The following ARID3B variants were observed in gnomAD, a reference collection of about 807,000 sequenced individuals.
The protein encoded by ARID3B is AT-rich interaction domain 3B, also known as AT-rich interactive domain-containing protein 3B.
A neutral mutation model predicts 51.9 loss-of-function variants in ARID3B; 10 were observed. The ratio of observed to expected loss-of-function variants is 0.19; its 90% CI spans 0.12 to 0.33. The LOEUF (loss-of-function observed/expected upper bound fraction) is 0.33, where lower values mean the gene tolerates loss of function less well. Among genes scored for constraint, ARID3B ranks in the 10% least tolerant of loss-of-function variants. ARID3B has a pLI of 1.00. For missense variants in ARID3B, 483 were observed against 716.3 expected (o/e 0.67, Z 3.72); for synonymous variants, 205 against 279.5 (o/e 0.73, Z 2.66).
At chr15:74,595,382 C>A (rs1362104186) in intron 8 of ARID3B, among the ~76,000 whole-genome samples, 2 of 152,118 alleles carry the variant, frequency 1.3e-5, no homozygotes, top group Non-Finnish European at 2.9e-5. Context: ...TGTCTCAGAG[C>A]ATTTATGACA....
In ARID3B at chr15:74,591,691, C is replaced by G; in HGVS notation, c.1297C>G (p.Pro433Ala). The G allele has an allele frequency of 1.2e-6, 2 of 1,612,670 alleles. No homozygotes were observed. Among genetic ancestry groups the G allele is most frequent in the South Asian group, 1.1e-5 (1 of 90,918 alleles). ...GCGGGAGCGGCTGGAGTCAGGGGAG[C>G]CTGCTGAGAAGAAGGCATCGAGGCT... is the stretch of plus-strand genomic sequence containing the variant. Reference protein sequence around the residue: ...QLRERLESGEPAEKKASRLSE... With the variant: ...QLRERLESGEAAEKKASRLSE... Residue 433 changes from proline (P) to alanine (A), a missense_variant, in exon 7 of 9, where the codon CCT becomes GCT. By Grantham distance (27) the Pro-to-Ala change is conservative (BLOSUM62 -1). Around this residue, in one of 3 missense-constraint regions of ARID3B, gnomAD observed 265 missense variants for 354.4 expected, o/e 0.75. Coordinates refer to ENST00000346246, the MANE Select transcript of ARID3B (RefSeq NM_006465.4). The surrounding 1 kb of genome is among the most constrained non-coding windows in gnomAD (Gnocchi z 5.8).
intron 7 of ARID3B, among the ~76,000 whole-genome samples, chr15:74,592,898 G>T (rs1291337352): frequency 1.3e-5 from 2 of 152,222 alleles, no homozygotes; most frequent in African/African-American, 4.8e-5. Context: ...TGCCTACTGT[G>T]ATTCCTTTTC....
Position 74,596,373 on chromosome 15 carries a change from A to G in ARID3B, c.*599A>G, listed in dbSNP as rs150314035. ...CCTCAGGGCCCCAGATCCCCCTTCT[A>G]ATAGTCTGAAGGAAGAGGCTGTGAG... is the stretch of plus-strand genomic sequence containing the variant. On this transcript the variant is annotated 3_prime_UTR_variant, in exon 9 of 9. Transcript: ENST00000346246. The G allele has an allele frequency of 1.7e-3, 406 of 233,484 alleles. 2 individuals are homozygous for G. The highest frequency in any genetic ancestry group is 8.4e-3 in the African/African-American group (383 of 45,422). 14.5% of individuals were successfully genotyped at this position (233,484 alleles called of 1,614,324 possible).
intron 8 of ARID3B, among the ~76,000 whole-genome samples, chr15:74,593,975 C>A (rs1415817965): frequency 6.6e-6 from 1 of 150,872 alleles, no homozygotes; most frequent in African/African-American, 2.4e-5. Context: ...CCCAGGAGGT[C>A]GAGGCTGCAG....
chr15:74,589,331 C>T (rs950095553), intron 4 of ARID3B, among the ~76,000 whole-genome samples: 9 of 152,004 alleles, frequency 5.9e-5, no homozygotes, highest in African/African-American at 1.9e-4. Context: ...ACCCAGCCAG[C>T]GAGCACACTC....
intron 2 of ARID3B, among the ~76,000 whole-genome samples, chr15:74,555,786 C>CTTTTTTTTTTTT (rs869243539): frequency 1.1e-5 from 1 of 95,116 alleles, no homozygotes; most frequent in Non-Finnish European, 2.0e-5. Flanking sequence ...AGCTGTATTT[C>CTTTTTTTTTTTT]TTTTTTTTTT....
Position 74,572,940 on chromosome 15 carries a change from A to C in ARID3B, c.624+7A>C. 1 of 1,614,158 alleles carries C rather than the reference A, an allele frequency of 6.2e-7. No homozygotes were observed. The highest frequency in any genetic ancestry group is 8.5e-7 in the Non-Finnish European group (1 of 1,179,976). ...CTCTCGAGATTTTGCCAAGGTCTGT[A>C]ATACTTCCTTTGTGATACAGATAGG... On this transcript the variant is annotated splice_region_variant and intron_variant, in intron 3 of 8. Transcript: ENST00000346246.
At position 74,554,941 on chromosome 15, in the gene ARID3B, C is replaced by T. The variant is rs532350449; in HGVS notation, c.552+10453C>T. On this transcript the variant is annotated intron_variant, in intron 2 of 8. Transcript: ENST00000346246. ...AAGTATACAGTAGCTTTCATTATAC[C>T]TAAAAAAAAACAACAATGTACATAC... Among the ~76,000 whole-genome samples, 28 of 151,510 alleles carry T rather than the reference C, an allele frequency of 1.8e-4. No individual in the cohort carries two copies. The South Asian group carries it at 2.5e-3, about 14-fold the overall frequency.
At chr15:74,544,540 G>C (rs1014186402) in intron 2 of ARID3B, 52 bp downstream of exon 2, 3 of 1,567,670 alleles carry the variant, frequency 1.9e-6, no homozygotes. Context: ...GGCCAGAGAG[G>C]GGTCATGGAC....
At chr15:74,549,007 C>T (rs1443361370) in intron 2 of ARID3B, among the ~76,000 whole-genome samples, 2 of 152,286 alleles carry the variant, frequency 1.3e-5, no homozygotes, top group East Asian at 3.9e-4. Flanking sequence ...CCATGACTGA[C>T]TGACTGGTGT....
intron 4 of ARID3B, among the ~76,000 whole-genome samples, chr15:74,579,113 T>G (rs1244196988): frequency 6.6e-6 from 1 of 152,086 alleles, no homozygotes; most frequent in Non-Finnish European, 1.5e-5. Flanking sequence ...CAGCTGCAGG[T>G]GATAAAATGG....
At chr15:74,554,164 G>C (rs1482364646) in intron 2 of ARID3B, among the ~76,000 whole-genome samples, 2 of 150,724 alleles carry the variant, frequency 1.3e-5, no homozygotes, top group Non-Finnish European at 3.0e-5. Context: ...CTGCCACAAC[G>C]CCTGGCTAAT....
At chr15:74,563,195 G>GT (rs1452668481) in intron 2 of ARID3B, among the ~76,000 whole-genome samples, 2 of 152,222 alleles carry the variant, frequency 1.3e-5, no homozygotes, top group East Asian at 3.8e-4. Flanking sequence ...CCTCAGCCTG[G>GT]TAGAGGTGGC....
chr15:74,564,815 G>A (rs1183624638), intron 2 of ARID3B, among the ~76,000 whole-genome samples: 1 of 151,852 alleles, frequency 6.6e-6, no homozygotes, highest in African/African-American at 2.4e-5. Context: ...TTGCCAGGCT[G>A]GTCTCAAACT....
intron 2 of ARID3B, among the ~76,000 whole-genome samples, chr15:74,545,265 G>C (rs1048705091): frequency 6.6e-6 from 1 of 152,228 alleles, no homozygotes; most frequent in Non-Finnish European, 1.5e-5. Context: ...CACTTGCATT[G>C]TATATATTTT....
Position 74,572,854 on chromosome 15 carries a change from C to G in ARID3B, c.553-8C>G. The G allele has an allele frequency of 6.2e-7, 1 of 1,613,976 alleles. No individual in the cohort carries two copies. Among genetic ancestry groups the G allele is most frequent in the Non-Finnish European group, 8.5e-7 (1 of 1,179,946 alleles). On this transcript the variant is annotated splice_region_variant and splice_polypyrimidine_tract_variant and intron_variant, in intron 2 of 8. Coordinates refer to ENST00000346246, the MANE Select transcript of ARID3B (RefSeq NM_006465.4). The stretch of plus-strand genomic sequence containing the variant: ...CCCCTCTCAACTTTGTGTTTTGTTC[C>G]CTTTTAGAATGGTGGTTTGGCCTGG...
At chr15:74,543,109 T>G (rs979935331) in intron 1 of ARID3B, among the ~76,000 whole-genome samples, 18 of 152,190 alleles carry the variant, frequency 1.2e-4, no homozygotes, top group African/African-American at 4.1e-4. Flanking sequence ...AACTTTAAAA[T>G]CTCCAGAGGA....
At chr15:74,586,406 G>T (rs936871949) in intron 4 of ARID3B, among the ~76,000 whole-genome samples, 1 of 152,242 alleles carries the variant, frequency 6.6e-6, no homozygotes, top group Non-Finnish European at 1.5e-5. Flanking sequence ...ATACAGTCAC[G>T]TTGTGTGTGA....
intron 2 of ARID3B, among the ~76,000 whole-genome samples, chr15:74,560,031 T>TAAAAAAAAAAAAAAAAAAAA (rs71137394): frequency 0.051 from 1,810 of 35,608 alleles, 716 homozygotes; most frequent in Middle Eastern, 0.14. Flanking sequence ...CTGTCTCTAC[T>TAAAAAAAAAAAAAAAAAAAA]AAAAAAAAAA....
Sources: gnomAD v4.1 joint callset for allele counts (sites outside exome capture counted in the v4.1 genomes callset) on GRCh38, gnomAD v4.1.1 for gene constraint, gnomAD v4.1.1 regional missense constraint, Gnocchi (gnomAD v3.1) non-coding constraint, MANE v1.5 for transcripts, NCBI Gene and HGNC (gene_info 2026-07-23, HGNC 2026-07-21) for gene names.